Variants in XKR9 observed in about 807,000 individuals in gnomAD.
The protein encoded by XKR9 is XK related 9.
Under a neutral mutation model 32.0 loss-of-function variants are expected in XKR9, and 32 were observed. That is an observed-to-expected ratio of 1.00 (90% CI 0.76 to 1.34). The LOEUF is 1.34. Ranked by LOEUF, XKR9 falls within the 40% of genes most tolerant of loss-of-function variation. The pLI is 0.00. For missense variants in XKR9, 546 were observed against 429.7 expected, an observed-to-expected ratio of 1.27 and a Z score of -2.39; for synonymous variants, 168 against 143.4, an observed-to-expected ratio of 1.17 and a Z score of -1.22.
At chr8:71,031,693 T>G in the XKR9 span, among the ~76,000 whole-genome samples, 2 of 152,226 alleles carry the variant, frequency 1.3e-5, no homozygotes, top group Admixed American at 6.5e-5. Flanking sequence ...GCACCTGAAT[T>G]GCTTTCACAA....
chr8:70,734,399 G>A lies in XKR9; in HGVS notation c.1097G>A (p.Arg366Lys), dbSNP rs111440841. 38 of 1,594,598 alleles carry A rather than the reference G, an allele frequency of 2.4e-5. No individual in the cohort carries two copies. In the African/African-American group the frequency reaches 4.2e-4, roughly 18 times the overall value. ...IDGKPVLREC[R>K]MRYFLME ...GGAAAACCAGTTCTAAGAGAATGTAGAATGAGATATTTCCTAATGGAATAA... is the reference window on the plus strand; with the variant it reads ...GGAAAACCAGTTCTAAGAGAATGTAAAATGAGATATTTCCTAATGGAATAA... The change falls in exon 5 of 5, where the codon AGA (arginine) becomes AAA (lysine). Residue 366 changes from arginine (R) to lysine (K), a missense_variant. By Grantham distance (26) the Arg-to-Lys change is conservative. Coordinates refer to ENST00000408926, the MANE Select transcript of XKR9 (RefSeq NM_001011720.2).
chr8:70,931,582 T>C, the XKR9 span, among the ~76,000 whole-genome samples: 2 of 152,190 alleles, frequency 1.3e-5, no homozygotes, highest in Non-Finnish European at 2.9e-5. Flanking sequence ...TATAAAGAAA[T>C]ACTTGAGGCT....
chr8:70,756,905 C>T (rs1228407690), intron 2 of XKR9, among the ~76,000 whole-genome samples: 4 of 152,216 alleles, frequency 2.6e-5, no homozygotes, highest in African/African-American at 4.8e-5. Context: ...TGAGGGTGGA[C>T]ATCCCTGTCT....
At chr8:71,009,251 G>A in the XKR9 span, among the ~76,000 whole-genome samples, 287 of 152,280 alleles carry the variant, frequency 1.9e-3, no homozygotes, top group Non-Finnish European at 3.8e-3. Context: ...CAGCCCAGAC[G>A]GCTTTGAATG....
intron 2 of XKR9, among the ~76,000 whole-genome samples, chr8:70,750,011 TGTGTGTGTGTG>T (rs1436187852): frequency 4.0e-5 from 6 of 151,824 alleles, no homozygotes; most frequent in Non-Finnish European, 8.8e-5. Context: ...TATAAATGCG[TGTGTGTGTGTG>T]GTGTGTGTAT....
the XKR9 span, among the ~76,000 whole-genome samples, chr8:70,812,732 C>G: frequency 6.6e-6 from 1 of 152,142 alleles, no homozygotes; most frequent in Non-Finnish European, 1.5e-5. Flanking sequence ...ATCCAACTCA[C>G]AAGGGATATG....
At chr8:70,898,126 A>G in the XKR9 span, among the ~76,000 whole-genome samples, 5 of 152,146 alleles carry the variant, frequency 3.3e-5, no homozygotes, top group African/African-American at 4.8e-5. Context: ...ATTCTTTTAC[A>G]TATGGATATC....
At chr8:70,753,305 G>A (rs1396989241) in intron 2 of XKR9, among the ~76,000 whole-genome samples, 3 of 151,818 alleles carry the variant, frequency 2.0e-5, no homozygotes, top group Non-Finnish European at 4.4e-5. Context: ...TCCAGGACCA[G>A]ATGGATTCAC....
the XKR9 span, among the ~76,000 whole-genome samples, chr8:70,960,046 A>G: frequency 6.6e-6 from 1 of 152,188 alleles, no homozygotes; most frequent in Non-Finnish European, 1.5e-5. Flanking sequence ...CCTGGCCAAC[A>G]TGGAGAAGCC....
the XKR9 span, among the ~76,000 whole-genome samples, chr8:70,892,492 G>T: frequency 6.6e-6 from 1 of 151,998 alleles, no homozygotes; most frequent in African/African-American, 2.4e-5. Flanking sequence ...TCCAGATGTG[G>T]GAGTCCCTTG....
chr8:70,854,909 G>T, the XKR9 span, among the ~76,000 whole-genome samples: 1 of 152,168 alleles, frequency 6.6e-6, no homozygotes, highest in African/African-American at 2.4e-5. Context: ...GTACCATGCT[G>T]TTTTGGTTAC....
the XKR9 span, among the ~76,000 whole-genome samples, chr8:70,825,028 A>C: frequency 6.6e-6 from 1 of 152,036 alleles, no homozygotes; most frequent in Non-Finnish European, 1.5e-5. Flanking sequence ...TGGCAAGACT[A>C]TTTTACTTTA....
the XKR9 span, among the ~76,000 whole-genome samples, chr8:70,949,257 G>C: frequency 6.6e-6 from 1 of 152,088 alleles, no homozygotes; most frequent in South Asian, 2.1e-4. Flanking sequence ...CTGCACCGTT[G>C]CTAAATAAGC....
At chr8:70,718,600 CTGAGA>C (rs1806170300) in intron 4 of XKR9, among the ~76,000 whole-genome samples, 1 of 152,100 alleles carries the variant, frequency 6.6e-6, no homozygotes, top group Non-Finnish European at 1.5e-5. Context: ...TGTTAGTTTG[CTGAGA>C]ATGATGGTTT....
the XKR9 span, among the ~76,000 whole-genome samples, chr8:70,882,010 A>G: frequency 6.6e-6 from 1 of 152,190 alleles, no homozygotes; most frequent in Admixed American, 6.5e-5. Context: ...AACTATTGCC[A>G]GGACAGAAAA....
chr8:70,742,755 A>C (rs1030070423), intron 2 of XKR9, among the ~76,000 whole-genome samples: 1 of 152,116 alleles, frequency 6.6e-6, no homozygotes, highest in Non-Finnish European at 1.5e-5. Context: ...TGTTTCTGAT[A>C]AAAAGTTAGT....
chr8:70,987,425 C>G, the XKR9 span, among the ~76,000 whole-genome samples: 2 of 152,228 alleles, frequency 1.3e-5, no homozygotes, highest in Non-Finnish European at 2.9e-5. Flanking sequence ...CTGGCCAAAA[C>G]AAAGGGGCTA....
intron 2 of XKR9, among the ~76,000 whole-genome samples, chr8:70,774,390 A>C (rs1807492896): frequency 2.6e-5 from 4 of 152,026 alleles, no homozygotes; most frequent in African/African-American, 9.6e-5. Context: ...CCATCCACTC[A>C]CCTCAGCCTC....
At chr8:70,868,582 G>C in the XKR9 span, among the ~76,000 whole-genome samples, 1 of 152,044 alleles carries the variant, frequency 6.6e-6, no homozygotes, top group Non-Finnish European at 1.5e-5. Context: ...CACATAGCAC[G>C]AGGACCCTGG....
Sources: gnomAD v4.1 joint callset for allele counts (sites outside exome capture counted in the v4.1 genomes callset) on GRCh38, gnomAD v4.1.1 for gene constraint, MANE v1.5 for transcripts, NCBI Gene and HGNC (gene_info 2026-07-23, HGNC 2026-07-21) for gene names.